Variants in PPEF1 observed in about 807,000 individuals in gnomAD.
PPEF1 encodes the protein serine/threonine-protein phosphatase with EF-hands 1.
Under a neutral mutation model 53.3 loss-of-function variants are expected in PPEF1, and 12 were observed. The ratio of observed to expected loss-of-function variants is 0.23; its 90% CI spans 0.14 to 0.36. PPEF1 has a LOEUF of 0.36. Ranked by LOEUF, PPEF1 falls within the 10% of genes least tolerant of loss-of-function variation. PPEF1 has a pLI of 1.00. For missense variants in PPEF1, 334 were observed against 490.4 expected (o/e 0.68, Z 3.01); for synonymous variants, 165 against 176.7 (o/e 0.93, Z 0.52).
At chrX:18,820,006 G>A (rs187361258) in intron 13 of PPEF1, among the ~76,000 whole-genome samples, 2 of 111,699 alleles carry the variant, frequency 1.8e-5, no homozygotes, top group East Asian at 5.6e-4. Context: ...CGATTAGACT[G>A]ATAGATTTCT....
At chrX:18,817,889 A>G in intron 12 of PPEF1, 150 bp from the exon 13 acceptor site, 1 of 416,013 alleles carries the variant, frequency 2.4e-6, no homozygotes, top group Non-Finnish European at 4.2e-6. Flanking sequence ...ATACATATAC[A>G]TATGCATATA....
At chrX:18,706,818 CTTTTTTTTTT>C (rs767459911), upstream of PPEF1, among the ~76,000 whole-genome samples, 6 of 46,298 alleles carry the variant, frequency 1.3e-4, no homozygotes, top group African/African-American at 4.0e-4. Context: ...TTCAAACCTC[CTTTTTTTTTT>C]TTTTTTTTTT....
intron 1 of PPEF1, among the ~76,000 whole-genome samples, chrX:18,718,788 G>A (rs937887788): frequency 1.8e-4 from 20 of 111,914 alleles, no homozygotes. Flanking sequence ...TGCAAGAAAG[G>A]ACAATCCCTC....
At chrX:18,793,980 C>T (rs1308283080) in intron 10 of PPEF1, among the ~76,000 whole-genome samples, 2 of 111,986 alleles carry the variant, frequency 1.8e-5, no homozygotes, top group African/African-American at 6.5e-5. Context: ...TTGACTGTCT[C>T]TTTCCCTGAT....
intron 4 of PPEF1, among the ~76,000 whole-genome samples, chrX:18,750,312 G>A (rs55962887): frequency 0.44 from 48,892 of 110,157 alleles, 8,618 homozygotes; most frequent in Non-Finnish European, 0.56. Flanking sequence ...GGCCATTCCT[G>A]TTATCATTGC....
At position 18,739,738 on chromosome X, in the gene PPEF1, G is replaced by A. The variant is rs745360063; in HGVS notation, c.235+5930G>A. Among the ~76,000 whole-genome samples, 34 of 112,438 alleles carry A rather than the reference G, an allele frequency of 3.0e-4. No individual in the cohort carries two copies. In the South Asian group the frequency reaches 0.012, roughly 39 times the overall value. On this transcript the variant is annotated intron_variant, in intron 3 of 15. Transcript: ENST00000470157. ...GCTATGCCCTGCCCCCAGAGGTGGC[G>A]TCTATAGAGGCAGGCAGGCCTCCTT...
chrX:18,747,445 T>C (rs775717163), intron 3 of PPEF1, among the ~76,000 whole-genome samples: 1 of 112,177 alleles, frequency 8.9e-6, no homozygotes, highest in African/African-American at 3.2e-5. Flanking sequence ...GCATCTGACT[T>C]TCTAAATCAG....
chrX:18,819,184 AAAC>A lies in PPEF1; in HGVS notation c.1501+1045_1501+1047del, dbSNP rs1208926618. ...AACTACCATGAGTGAGAGTCAGCAG[AAAC>A]AACAATTATTTCCCCGAGGACATCA... On this transcript the variant is annotated intron_variant, in intron 13 of 15. Transcript: ENST00000470157. 3.6e-5 allele frequency among the ~76,000 whole-genome samples: 4 copies of A among 112,243 alleles called. No homozygotes were observed. In the East Asian group the frequency reaches 1.1e-3, roughly 31 times the overall value.
chrX:18,755,081 T>G (rs1224640320), intron 4 of PPEF1, among the ~76,000 whole-genome samples: 1 of 111,135 alleles, frequency 9.0e-6, no homozygotes, highest in African/African-American at 3.3e-5. Flanking sequence ...TTCAAGGAGA[T>G]AAATCAATCC....
At chrX:18,804,596 C>T (rs1397560365) in intron 11 of PPEF1, among the ~76,000 whole-genome samples, 1 of 111,952 alleles carries the variant, frequency 8.9e-6, no homozygotes, top group Non-Finnish European at 1.9e-5. Flanking sequence ...CGTGAGCCAC[C>T]GCGCCTGGCC....
intron 1 of PPEF1, among the ~76,000 whole-genome samples, chrX:18,723,146 G>C (rs900827004): frequency 1.8e-5 from 2 of 110,591 alleles, no homozygotes; most frequent in South Asian, 3.9e-4. Context: ...CACCATGCCC[G>C]GCTAATTTTT....
At chrX:18,766,078 A>AAAAAAAAG (rs2045762934) in intron 6 of PPEF1, among the ~76,000 whole-genome samples, 1 of 103,635 alleles carries the variant, frequency 9.6e-6, no homozygotes, top group African/African-American at 3.9e-5. Flanking sequence ...AAAAAAAAAA[A>AAAAAAAAG]AAAAAAGAAA....
upstream of PPEF1, among the ~76,000 whole-genome samples, chrX:18,678,392 G>A (rs898149334): frequency 1.8e-5 from 2 of 111,243 alleles, no homozygotes; most frequent in Non-Finnish European, 3.8e-5. Flanking sequence ...AGCTGAGATC[G>A]CATCACTGCA....
Position 18,782,280 on chromosome X carries a change from G to A in PPEF1, c.726-86G>A, listed in dbSNP as rs1422725647. On this transcript the variant is annotated intron_variant, in intron 7 of 15. Coordinates refer to ENST00000470157, the MANE Select transcript of PPEF1 (RefSeq NM_001377996.1). ...TTCTTGAGTTCTTGTGATAGATACT[G>A]AGATGCCAAGGGCTTCCCTTTTTGC... is the stretch of plus-strand genomic sequence containing the variant. 3 of 757,734 alleles carry A rather than the reference G, an allele frequency of 4.0e-6. No homozygotes were observed. In the African/African-American group the frequency reaches 6.5e-5, roughly 16 times the overall value. 62.4% of individuals were successfully genotyped at this position (757,734 alleles called of 1,213,427 possible).
upstream of PPEF1, among the ~76,000 whole-genome samples, chrX:18,678,736 G>A (rs1218346537): frequency 9.0e-6 from 1 of 111,210 alleles, no homozygotes; most frequent in Non-Finnish European, 1.9e-5. Context: ...TTTAGGATGC[G>A]GACCTCTCGC....
chrX:18,790,437 C>T (rs1461228787), intron 10 of PPEF1, among the ~76,000 whole-genome samples: 1 of 111,468 alleles, frequency 9.0e-6, no homozygotes, highest in East Asian at 2.8e-4. Flanking sequence ...CTTTGCAGTA[C>T]AGCAGTTTTT....
At chrX:18,809,542 A>G (rs1367991183) in intron 12 of PPEF1, among the ~76,000 whole-genome samples, 1 of 109,989 alleles carries the variant, frequency 9.1e-6, no homozygotes, top group East Asian at 2.9e-4. Context: ...CCATCTCTAC[A>G]TAAAATACAA....
chrX:18,762,472 A>G (rs1364741517), intron 6 of PPEF1, among the ~76,000 whole-genome samples: 1 of 112,012 alleles, frequency 8.9e-6, no homozygotes, highest in Non-Finnish European at 1.9e-5. Context: ...GGATTCTTGG[A>G]TCTCGCACAA....
intron 10 of PPEF1, among the ~76,000 whole-genome samples, chrX:18,796,148 GTT>G (rs2046428575): frequency 8.9e-6 from 1 of 112,137 alleles, no homozygotes; most frequent in Non-Finnish European, 1.9e-5. Context: ...TAGAGACTGA[GTT>G]TCACCATATT....
Sources: allele counts gnomAD v4.1 joint callset (sites outside exome capture counted in the v4.1 genomes callset), GRCh38; gene constraint gnomAD v4.1.1; transcripts MANE v1.5; gene names NCBI Gene and HGNC (gene_info 2026-07-23, HGNC 2026-07-21).